The following MCPH1 variants were observed in gnomAD, a reference collection of about 807,000 sequenced individuals.
MCPH1 encodes the protein microcephalin.
In MCPH1, 104 loss-of-function variants were observed where a neutral mutation model predicts 84.5. That is an observed-to-expected ratio of 1.23 (90% CI 1.05 to 1.45). The LOEUF (loss-of-function observed/expected upper bound fraction) is 1.45, where lower values mean the gene tolerates loss of function less well. Among genes scored for constraint, MCPH1 ranks in the 40% most tolerant of loss-of-function variants. The pLI, the probability that MCPH1 is intolerant of heterozygous loss-of-function variation, is 0.00. For synonymous variants in MCPH1, 514 were observed against 366.8 expected (o/e 1.40, Z -4.58); for missense variants, 1,498 against 1,005.7 (o/e 1.49, Z -6.62).
At chr8:6,562,573 G>GT in intron 12 of MCPH1, 10 of 73,994 alleles carry the variant, frequency 1.4e-4, no homozygotes, top group Non-Finnish European at 2.0e-4. Context: ...TTTTTTTTTG[G>GT]TTGTTAAAAC....
chr8:6,525,438 C>G (rs1586363445), intron 12 of MCPH1, among the ~76,000 whole-genome samples: 1 of 152,176 alleles, frequency 6.6e-6, no homozygotes, highest in Non-Finnish European at 1.5e-5. Flanking sequence ...TTATATTGCC[C>G]TGGCTAGTCT....
chr8:6,577,045 A>C (rs1586689603), intron 12 of MCPH1, among the ~76,000 whole-genome samples: 1 of 151,990 alleles, frequency 6.6e-6, no homozygotes, highest in South Asian at 2.1e-4. Flanking sequence ...AATTCCTGCC[A>C]CTGGAATTAC....
chr8:6,534,089 A>C (rs1191912574), intron 12 of MCPH1, among the ~76,000 whole-genome samples: 1 of 152,262 alleles, frequency 6.6e-6, no homozygotes, highest in African/African-American at 2.4e-5. Flanking sequence ...CCTCCCTGGC[A>C]GTCGTTCTCC....
chr8:6,528,519 C>T (rs966638605), intron 12 of MCPH1, among the ~76,000 whole-genome samples: 3 of 152,324 alleles, frequency 2.0e-5, no homozygotes, highest in South Asian at 4.1e-4. Flanking sequence ...ATTTCTCCTT[C>T]CTGTTTTAAA....
chr8:6,637,657 T>C (rs1797654787), intron 13 of MCPH1, among the ~76,000 whole-genome samples: 1 of 152,118 alleles, frequency 6.6e-6, no homozygotes, highest in Non-Finnish European at 1.5e-5. Context: ...ACTCTGTTTG[T>C]GTTTATTTTT....
rs115656307 is a variant in MCPH1 at position 6,583,332 on chromosome 8, G to T, written c.2215-38122G>T. 3.6e-3 allele frequency among the ~76,000 whole-genome samples: 550 copies of T among 152,162 alleles called. 2 individuals carry two copies. Among genetic ancestry groups the T allele is most frequent in the African/African-American group, 0.013 (529 of 41,500 alleles). On this transcript the variant is annotated intron_variant, in intron 12 of 13. Coordinates refer to ENST00000344683, the MANE Select transcript of MCPH1 (RefSeq NM_024596.5). The stretch of plus-strand genomic sequence containing the variant: ...AATAATAGCTGGCAGAGTGTCCTAG[G>T]AAAGACTCCTCAGATGTTATAAATA...
intron 8 of MCPH1, among the ~76,000 whole-genome samples, chr8:6,452,785 C>T (rs1018468185): frequency 7.2e-5 from 11 of 152,336 alleles, no homozygotes; most frequent in Middle Eastern, 6.8e-3. Flanking sequence ...ATGGGGGCAC[C>T]GTGATCTCGG....
chr8:6,478,876 C>G (rs1808819591), intron 10 of MCPH1, among the ~76,000 whole-genome samples: 1 of 152,164 alleles, frequency 6.6e-6, no homozygotes, highest in Admixed American at 6.5e-5. Context: ...CCCTAAGGAT[C>G]TCTTAAGAAT....
At chr8:6,559,843 T>C (rs78829996) in intron 12 of MCPH1, among the ~76,000 whole-genome samples, 9,442 of 151,850 alleles carry the variant, frequency 0.062, 379 homozygotes, top group South Asian at 0.092. Context: ...CAGTGTGTTT[T>C]GTGTGCTAGC....
intron 13 of MCPH1, among the ~76,000 whole-genome samples, chr8:6,638,928 G>A (rs570180218): frequency 1.3e-5 from 2 of 152,148 alleles, no homozygotes; most frequent in South Asian, 2.1e-4. Flanking sequence ...AGTGCTGCCC[G>A]CACACTCAGT....
chr8:6,408,733 C>G lies in MCPH1; in HGVS notation c.23-546C>G, dbSNP rs549310191. Among the ~76,000 whole-genome samples the G allele has an allele frequency of 3.4e-4, 51 of 149,560 alleles. 1 individual carries two copies. Among genetic ancestry groups the G allele is most frequent in the African/African-American group, 1.1e-3 (44 of 40,980 alleles). On this transcript the variant is annotated intron_variant, in intron 1 of 13. Transcript: ENST00000344683. ...GCCACCATTCCTGGCTAATTAAAAA[C>G]AAAATTTTTTTTAGAGACAGGGTTT...
rs1450100157 is a variant in MCPH1, at chr8:6,647,730, C to G, written c.*4681C>G. The G allele has an allele frequency of 2.0e-5, 3 of 152,142 alleles. No homozygotes were observed. The highest frequency in any genetic ancestry group is 1.9e-4 in the East Asian group (1 of 5,196). The allele number at this position is 152,142 out of a possible 1,614,324, so 9.4% of individuals were successfully genotyped here. On this transcript the variant is annotated 3_prime_UTR_variant, in exon 14 of 14. Coordinates refer to ENST00000344683, the MANE Select transcript of MCPH1 (RefSeq NM_024596.5). ...ACCGCAAAACTGTAGAGGCACGAAA[C>G]AGATTCATGGTCTGCTGCAGCTGGG... is the stretch of plus-strand genomic sequence containing the variant.
intron 12 of MCPH1, among the ~76,000 whole-genome samples, chr8:6,528,010 C>G (rs927620714): frequency 7.9e-5 from 12 of 151,800 alleles, no homozygotes; most frequent in African/African-American, 1.7e-4. Flanking sequence ...ATTCTTCTGC[C>G]TCATTCTCCC....
chr8:6,445,799 G>T, intron 8 of MCPH1: 2 of 1,268,544 alleles, frequency 1.6e-6, no homozygotes, highest in Non-Finnish European at 2.0e-6. Flanking sequence ...CTTCTTATAG[G>T]TCAAAAGGAT....
intron 13 of MCPH1, among the ~76,000 whole-genome samples, chr8:6,636,241 G>A (rs947793143): frequency 2.6e-4 from 40 of 151,898 alleles, no homozygotes; most frequent in African/African-American, 9.4e-4. Context: ...TTGGGAGGCT[G>A]AGGCAGGGGA....
intron 9 of MCPH1, among the ~76,000 whole-genome samples, chr8:6,463,939 C>T (rs1354194432): frequency 1.3e-5 from 2 of 152,132 alleles, no homozygotes; most frequent in African/African-American, 4.8e-5. Context: ...ATTTAACTTT[C>T]AAGTTGAAAG....
intron 9 of MCPH1, among the ~76,000 whole-genome samples, chr8:6,466,211 A>T (rs934291421): frequency 7.2e-6 from 1 of 139,590 alleles, no homozygotes; most frequent in African/African-American, 2.7e-5. Context: ...ATCTTTGCTC[A>T]TTGCAACCTC....
intron 12 of MCPH1, among the ~76,000 whole-genome samples, chr8:6,608,879 C>G (rs950869775): frequency 1.3e-5 from 2 of 152,180 alleles, no homozygotes; most frequent in Admixed American, 6.5e-5. Context: ...CCCTCCATCC[C>G]GTGTTCTGAC....
intron 9 of MCPH1, among the ~76,000 whole-genome samples, chr8:6,464,644 T>A (rs1166312297): frequency 6.6e-6 from 1 of 152,178 alleles, no homozygotes; most frequent in African/African-American, 2.4e-5. Context: ...ACGGAGGACA[T>A]TTCCCACTGG....
Sources: gnomAD v4.1 joint callset for allele counts (sites outside exome capture counted in the v4.1 genomes callset) on GRCh38, gnomAD v4.1.1 for gene constraint, MANE v1.5 for transcripts, NCBI Gene and HGNC (gene_info 2026-07-23, HGNC 2026-07-21) for gene names.